Variants in NTRK1 observed in about 807,000 individuals in gnomAD.
NTRK1 encodes high affinity nerve growth factor receptor.
A neutral mutation model predicts 86.8 loss-of-function variants in NTRK1; 62 were observed. The ratio of observed to expected loss-of-function variants is 0.71; its 90% CI spans 0.58 to 0.88. The LOEUF (loss-of-function observed/expected upper bound fraction) is 0.88. Among genes scored for constraint, NTRK1 ranks in the 40% least tolerant of loss-of-function variants. NTRK1 has a pLI of 0.00. For synonymous variants in NTRK1, 469 were observed against 456.6 expected, an observed-to-expected ratio of 1.03 and a Z score of -0.35; for missense variants, 967 against 1,078.4, an observed-to-expected ratio of 0.90 and a Z score of 1.45.
chr1:156,868,480 G>C lies in NTRK1; in HGVS notation c.575-25G>C, dbSNP rs1389404343. The C allele has an allele frequency of 1.9e-6, 3 of 1,552,754 alleles. No individual in the cohort carries two copies. The African/African-American group carries it at 4.1e-5, about 21-fold the overall frequency. ...CCACTCCCAGCTCTAACACCCCTTG[G>C]CCCTCGGGCGTCCTGGGTGGCCAGG... On this transcript the variant is annotated intron_variant, in intron 5 of 16. Coordinates refer to ENST00000524377, the MANE Select transcript of NTRK1 (RefSeq NM_002529.4).
chr1:156,825,994 A>G (rs7516736), intron 1 of NTRK1, among the ~76,000 whole-genome samples: 89,569 of 152,004 alleles, frequency 0.59, 28,003 homozygotes, highest in East Asian at 0.85. Flanking sequence ...GATTAGAACC[A>G]GATGGTCTGG....
intron 1 of NTRK1, among the ~76,000 whole-genome samples, chr1:156,822,837 C>T (rs772338402): frequency 5.9e-5 from 9 of 152,070 alleles, no homozygotes; most frequent in Non-Finnish European, 1.0e-4. Flanking sequence ...CATTAACAGT[C>T]ATCACTAGAC....
At position 156,846,068 on chromosome 1, in the gene NTRK1, A is replaced by C. The variant is rs1233234233; in HGVS notation, c.50+3875A>C. The C allele has an allele frequency of 3.1e-6, 5 of 1,611,746 alleles. No individual in the cohort carries two copies. In the South Asian group the frequency reaches 5.5e-5, roughly 18 times the overall value. On this transcript the variant is annotated intron_variant, in intron 2 of 16. Coordinates refer to the NTRK1 transcript ENST00000392302. ...GGTCGGTGGCTTCCAGCGCACCAGGAGGTGGGAGGAGGAGTTGGACGTGGA... is the reference window on the plus strand; with the variant it reads ...GGTCGGTGGCTTCCAGCGCACCAGGCGGTGGGAGGAGGAGTTGGACGTGGA...
chr1:156,865,421 G>T (rs1183344243), intron 3 of NTRK1, among the ~76,000 whole-genome samples: 4 of 152,140 alleles, frequency 2.6e-5, no homozygotes, highest in Admixed American at 2.6e-4. Context: ...GATCCCTCAC[G>T]TGCGCAGTAG....
At chr1:156,851,914 A>G (rs1275929948) in intron 2 of NTRK1, 1 of 1,592,466 alleles carries the variant, frequency 6.3e-7, no homozygotes. Flanking sequence ...TGAAGCCAGA[A>G]GGGCACTGGG....
Position 156,836,732 on chromosome 1 carries a change from G to A in NTRK1, c.-63-5349G>A, listed in dbSNP as rs72698658. Among the ~76,000 whole-genome samples, 389 of 140,396 alleles carry A rather than the reference G, an allele frequency of 2.8e-3. 1 individual carries two copies. The highest frequency in any genetic ancestry group is 9.4e-3 in the African/African-American group (325 of 34,734). The allele number at this position is 140,396 out of a possible 152,430, so 92.1% of individuals were successfully genotyped here. A position where few individuals can be genotyped will look rare whatever the true frequency, so the allele number is the denominator to read the frequency against. On this transcript the variant is annotated intron_variant, in intron 1 of 16. Transcript: ENST00000392302. ...CATTCAGATGTGCTGCCTTCACAGGGCTGAATGAGGAGCATATTTCACAGG... is the reference window on the plus strand; with the variant it reads ...CATTCAGATGTGCTGCCTTCACAGGACTGAATGAGGAGCATATTTCACAGG...
chr1:156,850,616 A>G lies in NTRK1; in HGVS notation c.50+8423A>G, dbSNP rs113885019. Among the ~76,000 whole-genome samples, 1,015 of 127,662 alleles carry G rather than the reference A, an allele frequency of 8.0e-3. 19 individuals carry two copies. Among genetic ancestry groups the G allele is most frequent in the African/African-American group, 0.029 (966 of 33,834 alleles). The allele number at this position is 127,662 out of a possible 152,430, so 83.8% of individuals were successfully genotyped here. A position where few individuals can be genotyped will look rare whatever the true frequency, so the allele number is the denominator to read the frequency against. On this transcript the variant is annotated intron_variant, in intron 2 of 16. Transcript: ENST00000392302. ...AGGCCCTAGGCTGGAGTGCAGTGGC[A>G]CGATTTCGGCTCACTGTAATCTCTA...
At chr1:156,868,376 T>C in intron 5 of NTRK1, 127 bp downstream of exon 5, 5 of 1,532,164 alleles carry the variant, frequency 3.3e-6, no homozygotes, top group Admixed American at 2.0e-5. Flanking sequence ...TGGGGGAAAC[T>C]GCCTGGGGTG....
chr1:156,852,268 T>C, intron 2 of NTRK1: 3 of 1,409,550 alleles, frequency 2.1e-6, no homozygotes, highest in Non-Finnish European at 2.9e-6. Flanking sequence ...GGCCCCACCC[T>C]GTTTCTCTTG....
intron 1 of NTRK1, among the ~76,000 whole-genome samples, chr1:156,831,068 C>T (rs912246578): frequency 6.6e-6 from 1 of 152,170 alleles, no homozygotes; most frequent in East Asian, 1.9e-4. Context: ...GAAAGGGCTC[C>T]CAAATGTCAT....
rs1156395864 is a variant in NTRK1 at position 156,875,500 on chromosome 1, C to T, written c.1355-20C>T. 18 of 1,613,394 alleles carry T rather than the reference C, an allele frequency of 1.1e-5. No homozygotes were observed. Among genetic ancestry groups the T allele is most frequent in the South Asian group, 7.7e-5 (7 of 91,084 alleles). On this transcript the variant is annotated intron_variant, in intron 11 of 16. Coordinates refer to ENST00000524377, the MANE Select transcript of NTRK1 (RefSeq NM_002529.4). ...CAAGGTGTGGGCAAACCCCTCCATG[C>T]GGCTGTGTCTCCTCTCTAGGCCCGG...
intron 4 of NTRK1, 61 bp downstream of exon 4, chr1:156,867,039 G>A: frequency 6.4e-7 from 1 of 1,554,294 alleles, no homozygotes; most frequent in Non-Finnish European, 8.9e-7. Flanking sequence ...TGTGCACTTG[G>A]GTCTGTTGGA....
chr1:156,846,109 C>T (rs754156567), intron 2 of NTRK1: 1 of 1,599,662 alleles, frequency 6.3e-7, no homozygotes, highest in Non-Finnish European at 8.5e-7. Flanking sequence ...CGTCTTGGGG[C>T]ACCGTGGGAG....
In NTRK1 at chr1:156,874,891, C is replaced by T. The variant is rs186649954; in HGVS notation, c.1252-15C>T. On this transcript the variant is annotated splice_polypyrimidine_tract_variant and intron_variant, in intron 10 of 16. Transcript: ENST00000524377. ...GGAGGAGCCCCTGGATCTAACTACC[C>T]CTGTCCCCCACCAGGTCTCGGTGGC... The T allele has an allele frequency of 3.8e-6, 6 of 1,592,034 alleles. No homozygotes were observed. Among genetic ancestry groups the T allele is most frequent in the Non-Finnish European group, 5.2e-6 (6 of 1,160,278 alleles).
At chr1:156,843,364 C>G (rs1474776207) in intron 2 of NTRK1, 1 of 1,587,650 alleles carries the variant, frequency 6.3e-7, no homozygotes, top group South Asian at 1.1e-5. Context: ...TTCTGGAAGT[C>G]TGTCTCTGCT....
chr1:156,852,180 G>C, intron 2 of NTRK1: 1 of 1,598,428 alleles, frequency 6.3e-7, no homozygotes, highest in Admixed American at 1.7e-5. Flanking sequence ...ATCCCATGGG[G>C]GCAGGGGCAC....
intron 2 of NTRK1, among the ~76,000 whole-genome samples, chr1:156,847,843 G>A (rs1285297463): frequency 6.6e-6 from 1 of 152,154 alleles, no homozygotes; most frequent in African/African-American, 2.4e-5. Flanking sequence ...GAAGCTTGTT[G>A]AAGGGTTCCC....
intron 2 of NTRK1, chr1:156,845,248 GC>G: frequency 6.2e-7 from 1 of 1,611,110 alleles, no homozygotes; most frequent in South Asian, 1.1e-5. Flanking sequence ...CCGAGCTGTT[GC>G]CCCCCAGCCG....
At chr1:156,852,008 C>T (rs773806714) in intron 2 of NTRK1, 2 of 1,613,008 alleles carry the variant, frequency 1.2e-6, no homozygotes, top group East Asian at 2.2e-5. Context: ...AGCTGTGACA[C>T]AGCGCCAGGA....
Sources: allele counts gnomAD v4.1 joint callset (sites outside exome capture counted in the v4.1 genomes callset), GRCh38; gene constraint gnomAD v4.1.1; transcripts MANE v1.5; gene names NCBI Gene and HGNC (gene_info 2026-07-23, HGNC 2026-07-21).